Variants in FBXO34 observed in about 807,000 individuals in gnomAD.
FBXO34 encodes the protein F-box only protein 34.
FBXO34 carries 12 observed loss-of-function variants against 24.5 expected under a neutral mutation model. The ratio of observed to expected loss-of-function variants is 0.49; its 90% CI spans 0.31 to 0.79. The LOEUF (loss-of-function observed/expected upper bound fraction) is 0.79. Among genes scored for constraint, FBXO34 ranks in the 30% least tolerant of loss-of-function variants. The probability of loss-of-function intolerance (pLI) is 0.04; values close to 1 mark genes in which losing one functional copy is unlikely to be tolerated. For missense variants in FBXO34, 823 were observed against 857.7 expected (o/e 0.96, Z 0.51); for synonymous variants, 320 against 311.9 (o/e 1.03, Z -0.27).
At chr14:55,347,530 G>C (rs529022144) in intron 1 of FBXO34, among the ~76,000 whole-genome samples, 87 of 152,254 alleles carry the variant, frequency 5.7e-4, no homozygotes, top group African/African-American at 1.9e-3. Context: ...ATTGGAGCTG[G>C]TGCCTAAATG....
At chr14:55,433,023 A>T in the FBXO34 span, among the ~76,000 whole-genome samples, 1 of 152,204 alleles carries the variant, frequency 6.6e-6, no homozygotes, top group Non-Finnish European at 1.5e-5. Context: ...ACACTTCATC[A>T]TTACTGTAAC....
the FBXO34 span, chr14:55,436,446 A>C: frequency 3.1e-6 from 3 of 969,646 alleles, no homozygotes; most frequent in Non-Finnish European, 4.6e-6. Flanking sequence ...AAAACAAAGA[A>C]TTATGAAATC....
intron 1 of FBXO34, among the ~76,000 whole-genome samples, chr14:55,316,911 G>T (rs1882950707): frequency 6.6e-6 from 1 of 152,084 alleles, no homozygotes; most frequent in African/African-American, 2.4e-5. Context: ...GAGATGTCTA[G>T]CTGTTTGCTC....
chr14:55,272,284 A>G (rs1881178581), intron 1 of FBXO34: 1 of 152,288 alleles, frequency 6.6e-6, no homozygotes, highest in South Asian at 2.1e-4. Context: ...GTTGTTCGGT[A>G]TCAGCATTTT....
the FBXO34 span, among the ~76,000 whole-genome samples, chr14:55,410,410 AC>A: frequency 6.6e-6 from 1 of 152,196 alleles, no homozygotes; most frequent in East Asian, 1.9e-4. Flanking sequence ...TCCATCTCAT[AC>A]CCCGTATTCT....
At chr14:55,440,298 T>C in the FBXO34 span, 26 of 1,437,802 alleles carry the variant, frequency 1.8e-5, no homozygotes, top group East Asian at 4.4e-4. Context: ...CCGCCTCTTA[T>C]GGTCGCTATG....
the FBXO34 span, chr14:55,411,533 C>G: frequency 1.4e-6 from 2 of 1,478,136 alleles, no homozygotes; most frequent in African/African-American, 1.4e-5. Context: ...GCCCCAGGTT[C>G]CAGCCTTCGG....
chr14:55,411,078 G>T, the FBXO34 span, among the ~76,000 whole-genome samples: 5 of 152,110 alleles, frequency 3.3e-5, no homozygotes, highest in Non-Finnish European at 7.3e-5. Context: ...AGGGGAAAGG[G>T]GCGTTAACAG....
chr14:55,335,822 A>G (rs1223294763), intron 1 of FBXO34, among the ~76,000 whole-genome samples: 1 of 152,220 alleles, frequency 6.6e-6, no homozygotes, highest in Non-Finnish European at 1.5e-5. Flanking sequence ...ATATCCATAT[A>G]TACATAATGA....
the FBXO34 span, chr14:55,414,308 A>G: frequency 3.5e-6 from 4 of 1,153,582 alleles, no homozygotes; most frequent in Admixed American, 4.4e-5. Flanking sequence ...ACGTAGAAGA[A>G]TCCAGCTGTT....
intron 1 of FBXO34, among the ~76,000 whole-genome samples, chr14:55,308,159 G>A (rs1214459034): frequency 6.6e-6 from 1 of 152,202 alleles, no homozygotes; most frequent in African/African-American, 2.4e-5. Flanking sequence ...GACTAATACA[G>A]AGGGTCAGAG....
At chr14:55,427,780 C>A in the FBXO34 span, among the ~76,000 whole-genome samples, 4 of 151,726 alleles carry the variant, frequency 2.6e-5, 1 homozygote, top group South Asian at 8.3e-4. Flanking sequence ...GAGATATTCC[C>A]TAGGAAAAGG....
the FBXO34 span, among the ~76,000 whole-genome samples, chr14:55,389,267 G>GGTGGCAAAGCCCTGAATATC: frequency 2.1e-3 from 319 of 152,328 alleles, 3 homozygotes; most frequent in Admixed American, 4.6e-3. Flanking sequence ...ACAGATGCCC[G>GGTGGCAAAGCCCTGAATATC]GTGGCAAAGC....
the FBXO34 span, chr14:55,395,174 T>C: frequency 1.1e-4 from 51 of 452,130 alleles, no homozygotes; most frequent in South Asian, 4.4e-4. Flanking sequence ...AGCGTGCCGA[T>C]CTCCTCTTGG....
intron 1 of FBXO34, among the ~76,000 whole-genome samples, chr14:55,348,946 G>C (rs1361383422): frequency 1.3e-5 from 2 of 152,148 alleles, no homozygotes; most frequent in African/African-American, 4.8e-5. Context: ...AGCTGTCTGA[G>C]ATGTATGTGT....
At chr14:55,380,407 G>A in the FBXO34 span, among the ~76,000 whole-genome samples, 2 of 152,228 alleles carry the variant, frequency 1.3e-5, no homozygotes, top group Admixed American at 6.5e-5. Flanking sequence ...ATAATGAAAC[G>A]AATCTGCACA....
the FBXO34 span, among the ~76,000 whole-genome samples, chr14:55,441,176 C>A: frequency 6.6e-6 from 1 of 151,504 alleles, no homozygotes; most frequent in Non-Finnish European, 1.5e-5. Flanking sequence ...TACTAGGTTT[C>A]CACCCTGTCG....
chr14:55,278,506 T>C (rs1277253629), intron 1 of FBXO34, among the ~76,000 whole-genome samples: 1 of 152,200 alleles, frequency 6.6e-6, no homozygotes, highest in Non-Finnish European at 1.5e-5. Flanking sequence ...AATCTTTCTC[T>C]TCCTTTATTT....
the FBXO34 span, among the ~76,000 whole-genome samples, chr14:55,417,453 TAAAAAAAAAAA>T: frequency 2.2e-5 from 2 of 91,344 alleles, no homozygotes; most frequent in South Asian, 3.8e-4. Context: ...ACCCTTGCCT[TAAAAAAAAAAA>T]AAAAAAAAAA....
Sources: allele counts gnomAD v4.1 joint callset (sites outside exome capture counted in the v4.1 genomes callset), GRCh38; gene constraint gnomAD v4.1.1; transcripts MANE v1.5; gene names NCBI Gene and HGNC (gene_info 2026-07-23, HGNC 2026-07-21).